The following ANGPT1 variants were observed in gnomAD, a reference collection of about 807,000 sequenced individuals.
ANGPT1 encodes angiopoietin-1.
ANGPT1 carries 17 observed loss-of-function variants against 62.2 expected under a neutral mutation model. That is an observed-to-expected ratio of 0.27 (90% CI 0.19 to 0.41). ANGPT1 has a LOEUF of 0.41. Ranked by LOEUF, ANGPT1 falls within the 10% of genes least tolerant of loss-of-function variation. The pLI is 1.00. For missense variants in ANGPT1, 478 were observed against 594.9 expected (o/e 0.80, Z 2.04); for synonymous variants, 199 against 198.9 (o/e 1.00, Z 0.00).
chr8:107,433,673 T>G (rs969474672), intron 1 of ANGPT1, among the ~76,000 whole-genome samples: 8 of 152,220 alleles, frequency 5.3e-5, no homozygotes, highest in African/African-American at 1.9e-4. Flanking sequence ...TAAGCCAGGC[T>G]TCTAGGACCA....
chr8:107,329,231 G>A (rs926196667), intron 3 of ANGPT1, among the ~76,000 whole-genome samples: 27 of 152,194 alleles, frequency 1.8e-4, no homozygotes, highest in African/African-American at 6.3e-4. Context: ...ATCTGGAAGA[G>A]TAAGCACTGA....
chr8:107,451,624 T>C (rs770131653), intron 1 of ANGPT1, among the ~76,000 whole-genome samples: 28 of 151,976 alleles, frequency 1.8e-4, no homozygotes, highest in Admixed American at 1.1e-3. Flanking sequence ...TGTTATTTTA[T>C]AAATCATTTG....
intron 1 of ANGPT1, among the ~76,000 whole-genome samples, chr8:107,378,317 A>G (rs1816568464): frequency 6.6e-6 from 1 of 152,226 alleles, no homozygotes. Flanking sequence ...AAAAGAAGCA[A>G]GTAGTGAGAA....
Position 107,398,808 on chromosome 8 carries a change from G to A in ANGPT1, c.298-51711C>T, listed in dbSNP as rs150561894. Among the ~76,000 whole-genome samples the A allele has an allele frequency of 4.4e-3, 677 of 152,284 alleles. 2 individuals are homozygous for A. Among genetic ancestry groups the A allele is most frequent in the Non-Finnish European group, 6.5e-3 (443 of 68,016 alleles). Reference sequence around the variant, plus strand: ...GGAAAGATTACCTTTCAGAGAAAGAGTAATCGCTATTTCTCTAGGAATGGG... The same window carrying A: ...GGAAAGATTACCTTTCAGAGAAAGAATAATCGCTATTTCTCTAGGAATGGG... On this transcript the variant is annotated intron_variant, in intron 1 of 8. Coordinates refer to ENST00000517746, the MANE Select transcript of ANGPT1 (RefSeq NM_001146.5).
At chr8:107,444,021 G>T (rs1811548599) in intron 1 of ANGPT1, among the ~76,000 whole-genome samples, 1 of 152,154 alleles carries the variant, frequency 6.6e-6, no homozygotes, top group Admixed American at 6.5e-5. Flanking sequence ...GTCATTAAAT[G>T]TGTTCAAGAA....
At chr8:107,459,221 C>T (rs1425997023) in intron 1 of ANGPT1, among the ~76,000 whole-genome samples, 1 of 152,058 alleles carries the variant, frequency 6.6e-6, no homozygotes, top group African/African-American at 2.4e-5. Context: ...AACACTTTAA[C>T]CAGGTGAAAA....
chr8:107,423,596 C>G (rs1324113420), intron 1 of ANGPT1, among the ~76,000 whole-genome samples: 4 of 152,164 alleles, frequency 2.6e-5, no homozygotes, highest in African/African-American at 9.7e-5. Flanking sequence ...CTCCTCCTCA[C>G]TCCCTGCCAC....
At chr8:107,360,339 T>A (rs1457614918) in intron 1 of ANGPT1, among the ~76,000 whole-genome samples, 3 of 152,124 alleles carry the variant, frequency 2.0e-5, no homozygotes, top group African/African-American at 7.2e-5. Flanking sequence ...ATGGTTACCA[T>A]CTCAGACCAA....
At chr8:107,338,938 C>G (rs1815634108) in intron 2 of ANGPT1, among the ~76,000 whole-genome samples, 2 of 152,166 alleles carry the variant, frequency 1.3e-5, no homozygotes, top group Admixed American at 1.3e-4. Flanking sequence ...GGTACATTGT[C>G]TCACTAAATC....
At chr8:107,482,608 G>A (rs1190160870) in intron 1 of ANGPT1, among the ~76,000 whole-genome samples, 4 of 152,150 alleles carry the variant, frequency 2.6e-5, no homozygotes, top group Non-Finnish European at 4.4e-5. Flanking sequence ...AACTCTTCAT[G>A]AGAGGGTGGC....
At chr8:107,258,117 A>G (rs1813413347) in intron 8 of ANGPT1, among the ~76,000 whole-genome samples, 1 of 151,646 alleles carries the variant, frequency 6.6e-6, no homozygotes, top group African/African-American at 2.4e-5. Context: ...GCTTTTAACC[A>G]TGTTTAAATG....
rs867007460 is a variant in ANGPT1 at position 107,398,468 on chromosome 8, T to C, written c.298-51371A>G. Among the ~76,000 whole-genome samples the C allele has an allele frequency of 4.7e-5, 7 of 150,504 alleles. 1 individual carries two copies. The South Asian group carries it at 1.5e-3, about 31-fold the overall frequency. ...TATAAGTTTTAAAATTCTTTTAAAA[T>C]TTAAATATAAATGTTAATTTTTTTC... On this transcript the variant is annotated intron_variant, in intron 1 of 8. Transcript: ENST00000517746.
chr8:107,322,269 G>A (rs1815172406), intron 3 of ANGPT1, 141 bp from the exon 4 acceptor site: 2 of 646,658 alleles, frequency 3.1e-6, no homozygotes. Context: ...AGAGACTTAA[G>A]AATATGTATT....
chr8:107,322,797 G>GA (rs1009143500), intron 3 of ANGPT1: 6 of 256,796 alleles, frequency 2.3e-5, no homozygotes, highest in Non-Finnish European at 4.6e-5. Flanking sequence ...GGTGAAAAAA[G>GA]AAAAAACAGC....
In ANGPT1 at chr8:107,308,659, G is replaced by A. The variant is rs895461969; in HGVS notation, c.809-5292C>T. On this transcript the variant is annotated intron_variant, in intron 4 of 8. Transcript: ENST00000517746. Reference sequence around the variant, plus strand: ...TGACCTAAATTTAAGAGCCTGGTATGCTAGTTCAAAGACTTTGCCCACACC... The same window carrying A: ...TGACCTAAATTTAAGAGCCTGGTATACTAGTTCAAAGACTTTGCCCACACC... 2.6e-5 allele frequency among the ~76,000 whole-genome samples: 4 copies of A among 152,172 alleles called. 1 individual carries two copies. Among genetic ancestry groups the A allele is most frequent in the Non-Finnish European group, 5.9e-5 (4 of 68,016 alleles).
chr8:107,303,084 C>T (rs1254091537), intron 5 of ANGPT1, among the ~76,000 whole-genome samples, 156 bp downstream of exon 5: 2 of 151,912 alleles, frequency 1.3e-5, no homozygotes, highest in South Asian at 4.1e-4. Flanking sequence ...GGTTTTCATC[C>T]TTTATGGACC....
intron 1 of ANGPT1, among the ~76,000 whole-genome samples, chr8:107,348,863 G>T (rs1032924135): frequency 6.6e-6 from 1 of 152,138 alleles, no homozygotes; most frequent in Non-Finnish European, 1.5e-5. Flanking sequence ...AATGAGTACA[G>T]GTTCTAACTT....
intron 1 of ANGPT1, among the ~76,000 whole-genome samples, chr8:107,488,502 A>C (rs1812873586): frequency 6.6e-6 from 1 of 152,204 alleles, no homozygotes; most frequent in South Asian, 2.1e-4. Flanking sequence ...AATTCATTTG[A>C]AAATCAGGTT....
intron 4 of ANGPT1, among the ~76,000 whole-genome samples, chr8:107,307,231 G>A (rs1037219029): frequency 3.9e-5 from 6 of 151,904 alleles, no homozygotes; most frequent in African/African-American, 1.5e-4. Flanking sequence ...CGATCCCAGA[G>A]TCAGGAATTT....
Sources: gnomAD v4.1 joint callset for allele counts (sites outside exome capture counted in the v4.1 genomes callset) on GRCh38, gnomAD v4.1.1 for gene constraint, MANE v1.5 for transcripts, NCBI Gene and HGNC (gene_info 2026-07-23, HGNC 2026-07-21) for gene names.